MIA2: variants seen among roughly 807,000 people sequenced by gnomAD.
The protein encoded by MIA2 is melanoma inhibitory activity protein 2.
In MIA2, 127 loss-of-function variants were observed where a neutral mutation model predicts 167.8. That is an observed-to-expected ratio of 0.76 (90% CI 0.66 to 0.88). The LOEUF is 0.88. MIA2 is among the 40% of genes least tolerant of loss of function. MIA2 has a pLI of 0.00. For synonymous variants in MIA2, 552 were observed against 541.9 expected, an observed-to-expected ratio of 1.02 and a Z score of -0.26; for missense variants, 1,690 against 1,624.7, an observed-to-expected ratio of 1.04 and a Z score of -0.69.
At chr14:39,265,667 A>C in intron 6 of MIA2, 1 of 375,566 alleles carries the variant, frequency 2.7e-6, no homozygotes, top group South Asian at 5.1e-5. Flanking sequence ...TGAAAGTTCT[A>C]AAACCTGAAA....
At chr14:39,364,738 T>C (rs2074779394) in intron 23 of MIA2, among the ~76,000 whole-genome samples, 1 of 152,032 alleles carries the variant, frequency 6.6e-6, no homozygotes, top group South Asian at 2.1e-4. Flanking sequence ...GTTTTTGTTT[T>C]GTTTTGTTTT....
rs139080202 is a variant in MIA2, at chr14:39,349,989, A to G, written c.4073-109A>G. 3.0e-3 allele frequency: 1,470 copies of G among 493,658 alleles called. 9 individuals are homozygous for G. The highest frequency in any genetic ancestry group is 0.013 in the African/African-American group (649 of 50,182). 30.6% of individuals were successfully genotyped at this position (493,658 alleles called of 1,614,324 possible). A position where few individuals can be genotyped will look rare whatever the true frequency, so the allele number is the denominator to read the frequency against. On this transcript the variant is annotated intron_variant, in intron 28 of 28. Transcript: ENST00000640607. ...TAGATCAAGTAATTATCTAGTGTCA[A>G]TTTTCAAATAAAAGAATAGGTAATG...
chr14:39,347,818 C>CTTTTTTTTTT (rs59832680), intron 27 of MIA2, 47 bp downstream of exon 27: 10 of 706,368 alleles, frequency 1.4e-5, no homozygotes, highest in Admixed American at 4.6e-5. Flanking sequence ...CAGAAGCCTT[C>CTTTTTTTTTT]TTTTTTTTTT....
chr14:39,303,595 A>C, intron 16 of MIA2, 71 bp downstream of exon 16: 1 of 1,076,560 alleles, frequency 9.3e-7, no homozygotes, highest in African/African-American at 1.6e-5. Flanking sequence ...TGTCCCAGTA[A>C]ATGTTTAAAA....
intron 6 of MIA2, among the ~76,000 whole-genome samples, chr14:39,258,121 A>G (rs2054905905): frequency 6.6e-6 from 1 of 152,158 alleles, no homozygotes; most frequent in Non-Finnish European, 1.5e-5. Flanking sequence ...TTGAATTTAA[A>G]TGTTGGCCTG....
intron 25 of MIA2, among the ~76,000 whole-genome samples, chr14:39,337,657 C>T (rs185371635): frequency 3.5e-4 from 53 of 152,098 alleles, no homozygotes; most frequent in African/African-American, 1.2e-3. Flanking sequence ...GGATGTATCT[C>T]AATGGTTGAG....
At chr14:39,339,593 AGGT>A (rs2071310860) in intron 25 of MIA2, among the ~76,000 whole-genome samples, 2 of 152,204 alleles carry the variant, frequency 1.3e-5, no homozygotes, top group African/African-American at 4.8e-5. Flanking sequence ...ATTATTAAAA[AGGT>A]GTAGTTATGT....
intron 6 of MIA2, chr14:39,265,560 A>AT (rs1421302989): frequency 1.8e-5 from 11 of 623,684 alleles, no homozygotes; most frequent in Non-Finnish European, 2.9e-5. Flanking sequence ...TGTCCTTAAT[A>AT]TTTTTAATAT....
Position 39,240,634 on chromosome 14 carries a change from A to G in MIA2, c.323A>G (p.Gln108Arg). ...GAGGTGTTCATATCTGAGGAAATTC[A>G]GATGTCAACGAAAGTGAGTAAACTC... is the stretch of plus-strand genomic sequence containing the variant. ...IEEVFISEEI[Q>R]MSTKESDFLC... Residue 108 changes from glutamine (Q) to arginine (R), a missense_variant, in exon 3 of 29, where the codon CAG becomes CGG. Physicochemically the swap from Gln to Arg is conservative, Grantham distance 43. Coordinates refer to ENST00000640607, the MANE Select transcript of MIA2 (RefSeq NM_001329214.4). 6.2e-7 allele frequency: 1 copy of G among 1,610,974 alleles called. No individual in the cohort carries two copies. Among genetic ancestry groups the G allele is most frequent in the Non-Finnish European group, 8.5e-7 (1 of 1,177,702 alleles).
chr14:39,303,594 A>G, intron 16 of MIA2, 70 bp downstream of exon 16: 1 of 1,076,266 alleles, frequency 9.3e-7, no homozygotes, highest in Non-Finnish European at 1.4e-6. Context: ...ATGTCCCAGT[A>G]AATGTTTAAA....
chr14:39,369,313 A>G (rs2074888265), intron 23 of MIA2, among the ~76,000 whole-genome samples: 2 of 152,218 alleles, frequency 1.3e-5, no homozygotes, highest in African/African-American at 4.8e-5. Context: ...TAATTTCTTT[A>G]GGGAAGATCT....
intron 24 of MIA2, among the ~76,000 whole-genome samples, chr14:39,322,639 A>G (rs890562514): frequency 1.3e-5 from 2 of 151,432 alleles, no homozygotes; most frequent in Admixed American, 6.6e-5. Flanking sequence ...GCTATTCTAC[A>G]TTTATCTCAT....
intron 23 of MIA2, among the ~76,000 whole-genome samples, chr14:39,358,661 T>C (rs1203729308): frequency 6.6e-6 from 1 of 152,186 alleles, no homozygotes; most frequent in Admixed American, 6.5e-5. Flanking sequence ...TTCTGGTCTG[T>C]TTTTCCCCCA....
chr14:39,258,899 A>G (rs938623456), intron 6 of MIA2, among the ~76,000 whole-genome samples: 11 of 152,204 alleles, frequency 7.2e-5, no homozygotes, highest in Admixed American at 2.0e-4. Flanking sequence ...TCGACTGGAT[A>G]TCACCAGTGG....
downstream of MIA2, among the ~76,000 whole-genome samples, chr14:39,355,702 C>G (rs965045302): frequency 5.9e-4 from 90 of 152,182 alleles, no homozygotes; most frequent in African/African-American, 1.9e-3. Flanking sequence ...TCATAAATAG[C>G]TCTTATTATT....
At chr14:39,265,412 A>T (rs778464884) in intron 6 of MIA2, 1 of 1,611,116 alleles carries the variant, frequency 6.2e-7, no homozygotes, top group Admixed American at 1.7e-5. Flanking sequence ...TGAAAAGTCC[A>T]GAGGAAGAGG....
At chr14:39,337,993 G>C (rs545512248) in intron 25 of MIA2, among the ~76,000 whole-genome samples, 1 of 152,172 alleles carries the variant, frequency 6.6e-6, no homozygotes, top group Non-Finnish European at 1.5e-5. Flanking sequence ...AAAGTGCTGG[G>C]ATTACAGGCG....
intron 25 of MIA2, among the ~76,000 whole-genome samples, chr14:39,344,640 G>A (rs2072800006): frequency 6.6e-6 from 1 of 152,192 alleles, no homozygotes; most frequent in Non-Finnish European, 1.5e-5. Context: ...GTCAGATGAG[G>A]AGTGATATAT....
At chr14:39,259,129 T>C (rs2152650368) in intron 6 of MIA2, among the ~76,000 whole-genome samples, 1 of 152,352 alleles carries the variant, frequency 6.6e-6, no homozygotes, top group East Asian at 1.9e-4. Context: ...ATCCCTCTTG[T>C]TAGGATCAGT....
Sources: gnomAD v4.1 joint callset for allele counts (sites outside exome capture counted in the v4.1 genomes callset) on GRCh38, gnomAD v4.1.1 for gene constraint, MANE v1.5 for transcripts, NCBI Gene and HGNC (gene_info 2026-07-23, HGNC 2026-07-21) for gene names.